Variants in SLC35D4 observed in about 807,000 individuals in gnomAD.
The protein encoded by SLC35D4 is solute carrier family 35 member D4, also known as UDP-N-acetylglucosamine transporter SLC35D4.
chr18:23,279,254 C>T, the SLC35D4 span, among the ~76,000 whole-genome samples: 1 of 152,168 alleles, frequency 6.6e-6, no homozygotes, highest in Non-Finnish European at 1.5e-5. Flanking sequence ...AGAAAAGGGC[C>T]TCTTCTACCT....
At chr18:23,384,013 G>GGGGGGGGGGGGTT in the SLC35D4 span, among the ~76,000 whole-genome samples, 1 of 127,966 alleles carries the variant, frequency 7.8e-6, no homozygotes, top group Non-Finnish European at 1.7e-5. Context: ...GGGGGGGGGG[G>GGGGGGGGGGGGTT]TGTGATGTTT....
chr18:23,339,088 G>C, the SLC35D4 span, among the ~76,000 whole-genome samples: 2 of 152,170 alleles, frequency 1.3e-5, no homozygotes, highest in African/African-American at 4.8e-5. Context: ...ATAGGGTCTT[G>C]CTATGTTGCC....
chr18:23,356,588 G>A, the SLC35D4 span: 2 of 1,613,964 alleles, frequency 1.2e-6, no homozygotes, highest in East Asian at 2.2e-5. The surrounding 1 kb of genome is among the most constrained non-coding windows in gnomAD (Gnocchi z 4.1). Context: ...GTGAGCTTAC[G>A]ATTACCTGGC....
At chr18:23,302,809 C>T in the SLC35D4 span, among the ~76,000 whole-genome samples, 9 of 152,318 alleles carry the variant, frequency 5.9e-5, no homozygotes, top group East Asian at 5.8e-4. Context: ...GGAGACCACA[C>T]GCCAACGTGA....
At chr18:23,340,801 A>G in the SLC35D4 span, among the ~76,000 whole-genome samples, 2 of 152,178 alleles carry the variant, frequency 1.3e-5, no homozygotes, top group African/African-American at 2.4e-5. Flanking sequence ...AGGCCCCACA[A>G]GCATTGCCGC....
At chr18:23,371,510 T>G in the SLC35D4 span, 1 of 1,523,270 alleles carries the variant, frequency 6.6e-7, no homozygotes, top group Non-Finnish European at 8.9e-7. Context: ...TGGCTATAAG[T>G]GCAAGGCAAA....
At chr18:23,345,346 G>T in the SLC35D4 span, among the ~76,000 whole-genome samples, 2 of 151,888 alleles carry the variant, frequency 1.3e-5, no homozygotes, top group African/African-American at 4.8e-5. Flanking sequence ...GCCGGGCATG[G>T]TGGTGGGCAC....
the SLC35D4 span, among the ~76,000 whole-genome samples, chr18:23,277,468 G>A: frequency 1.3e-4 from 20 of 152,282 alleles, no homozygotes; most frequent in African/African-American, 4.6e-4. Context: ...CCAGTCTTGG[G>A]TATGTCTTTA....
the SLC35D4 span, among the ~76,000 whole-genome samples, chr18:23,324,349 T>C: frequency 6.6e-6 from 1 of 152,344 alleles, no homozygotes; most frequent in East Asian, 1.9e-4. Flanking sequence ...CAGTCTGTGA[T>C]ATTTTGTCAT....
the SLC35D4 span, among the ~76,000 whole-genome samples, chr18:23,240,058 C>T: frequency 6.6e-6 from 1 of 152,184 alleles, no homozygotes; most frequent in South Asian, 2.1e-4. Flanking sequence ...GCAGAGGCTG[C>T]AGTGAGCTGA....
chr18:23,343,122 T>C, the SLC35D4 span, among the ~76,000 whole-genome samples: 4 of 152,222 alleles, frequency 2.6e-5, no homozygotes, highest in East Asian at 7.7e-4. Context: ...AGGGTTTCAC[T>C]ATGTTGACCA....
chr18:23,390,326 C>T, the SLC35D4 span, among the ~76,000 whole-genome samples: 1 of 152,206 alleles, frequency 6.6e-6, no homozygotes, highest in Non-Finnish European at 1.5e-5. Context: ...AAAGGTCCTA[C>T]TCTCTTTCAT....
chr18:23,253,816 G>C, the SLC35D4 span: 1 of 1,614,120 alleles, frequency 6.2e-7, no homozygotes, highest in Non-Finnish European at 8.5e-7. Flanking sequence ...ACTTTGAAAA[G>C]CTCGCCCTCA....
At chr18:23,363,769 C>T in the SLC35D4 span, among the ~76,000 whole-genome samples, 1 of 152,088 alleles carries the variant, frequency 6.6e-6, no homozygotes, top group African/African-American at 2.4e-5. Context: ...TGATAGGAGA[C>T]GCAACTAAAA....
the SLC35D4 span, among the ~76,000 whole-genome samples, chr18:23,266,511 C>G: frequency 6.6e-6 from 1 of 152,112 alleles, no homozygotes; most frequent in African/African-American, 2.4e-5. Flanking sequence ...AGATTCCATT[C>G]CGTTCTTGTC....
the SLC35D4 span, among the ~76,000 whole-genome samples, chr18:23,351,329 C>G: frequency 8.5e-5 from 13 of 152,060 alleles, no homozygotes; most frequent in African/African-American, 2.9e-4. Context: ...GTCGCTTGAG[C>G]CTGGGAGGCA....
chr18:23,360,621 G>C, the SLC35D4 span, among the ~76,000 whole-genome samples: 1 of 152,140 alleles, frequency 6.6e-6, no homozygotes, highest in Admixed American at 6.5e-5. Context: ...GTGTGGAGAG[G>C]GAGTGACTAG....
the SLC35D4 span, among the ~76,000 whole-genome samples, chr18:23,357,832 G>A: frequency 1.3e-5 from 2 of 152,302 alleles, no homozygotes; most frequent in Non-Finnish European, 2.9e-5. Flanking sequence ...GTTTCTGCGA[G>A]TGAGTGTGTG....
At chr18:23,359,124 C>T in the SLC35D4 span, among the ~76,000 whole-genome samples, 1 of 152,112 alleles carries the variant, frequency 6.6e-6, no homozygotes, top group African/African-American at 2.4e-5. Context: ...CGGTGGCTGA[C>T]GCCTGTAATC....
Sources: gnomAD v4.1 joint callset for allele counts (sites outside exome capture counted in the v4.1 genomes callset) on GRCh38, gnomAD v4.1.1 for gene constraint, Gnocchi (gnomAD v3.1) non-coding constraint, MANE v1.5 for transcripts, NCBI Gene and HGNC (gene_info 2026-07-23, HGNC 2026-07-21) for gene names.